Variants in OPN5 observed in about 807,000 individuals in gnomAD.
OPN5 encodes the protein opsin 5, also known as opsin-5.
OPN5 carries 18 observed loss-of-function variants against 41.7 expected under a neutral mutation model. The ratio of observed to expected loss-of-function variants is 0.43; its 90% CI spans 0.30 to 0.64. OPN5 has a LOEUF of 0.64. Ranked by LOEUF, OPN5 falls within the 30% of genes least tolerant of loss-of-function variation. The pLI, the probability that OPN5 is intolerant of heterozygous loss-of-function variation, is 0.13. For synonymous variants in OPN5, 178 were observed against 164.3 expected (o/e 1.08, Z -0.64); for missense variants, 318 against 434.5 (o/e 0.73, Z 2.38).
chr6:47,813,104 C>A (rs1433946482), intron 6 of OPN5, among the ~76,000 whole-genome samples: 1 of 110,474 alleles, frequency 9.1e-6, no homozygotes, highest in African/African-American at 3.0e-5. Context: ...ACAACAACAA[C>A]AACAACAACA....
At chr6:47,816,805 A>G (rs939916360) in intron 6 of OPN5, among the ~76,000 whole-genome samples, 22 of 152,134 alleles carry the variant, frequency 1.4e-4, no homozygotes, top group Non-Finnish European at 2.6e-4. Context: ...TATCACCTGT[A>G]AGATTCTCAG....
chr6:47,821,308 A>C (rs1482918984), intron 6 of OPN5, among the ~76,000 whole-genome samples: 5 of 152,234 alleles, frequency 3.3e-5, no homozygotes, highest in Non-Finnish European at 7.3e-5. Flanking sequence ...GCTATGATAG[A>C]GACTGCACAG....
chr6:47,793,983 T>C (rs1168110127), intron 3 of OPN5, among the ~76,000 whole-genome samples: 1 of 150,096 alleles, frequency 6.7e-6, no homozygotes, highest in Non-Finnish European at 1.5e-5. Context: ...GCCATGTATT[T>C]GAAAAAAATG....
intron 4 of OPN5, among the ~76,000 whole-genome samples, chr6:47,796,500 C>T (rs1460452410): frequency 6.6e-6 from 1 of 152,114 alleles, no homozygotes; most frequent in Non-Finnish European, 1.5e-5. Context: ...TACCATCAAG[C>T]TTTGTATTAA....
chr6:47,786,810 A>G (rs1161500525), intron 2 of OPN5, among the ~76,000 whole-genome samples, 176 bp downstream of exon 2: 2 of 152,234 alleles, frequency 1.3e-5, no homozygotes, highest in Non-Finnish European at 2.9e-5. Flanking sequence ...TGTCCGGCTG[A>G]CAAGATTATT....
chr6:47,784,303 CT>C (rs11439294), intron 1 of OPN5, among the ~76,000 whole-genome samples: 3 of 148,344 alleles, frequency 2.0e-5, no homozygotes, highest in African/African-American at 2.5e-5. Context: ...TGCAAGATTC[CT>C]TTTTTTTTTG....
chr6:47,820,240 CT>C (rs1188472239), intron 6 of OPN5, among the ~76,000 whole-genome samples: 1 of 151,916 alleles, frequency 6.6e-6, no homozygotes, highest in South Asian at 2.1e-4. Flanking sequence ...GTCTGCTCTA[CT>C]TTTTTACTTG....
At chr6:47,813,187 G>T (rs1762313551) in intron 6 of OPN5, among the ~76,000 whole-genome samples, 1 of 152,162 alleles carries the variant, frequency 6.6e-6, no homozygotes, top group Non-Finnish European at 1.5e-5. Flanking sequence ...ATTGTCATTA[G>T]AATAGAGAGG....
chr6:47,823,250 T>A (rs1762688885), intron 6 of OPN5: 1 of 152,200 alleles, frequency 6.6e-6, no homozygotes, highest in South Asian at 2.1e-4. Context: ...GAAGCACTAT[T>A]TAAGCAAAAG....
intron 6 of OPN5, among the ~76,000 whole-genome samples, 155 bp from the exon 7 acceptor site, chr6:47,823,827 GT>G (rs1238693079): frequency 6.6e-6 from 1 of 152,166 alleles, no homozygotes; most frequent in East Asian, 1.9e-4. Context: ...GACTCTGTGG[GT>G]TCGGGGAGAA....
chr6:47,787,861 C>T (rs1308009472), intron 2 of OPN5, among the ~76,000 whole-genome samples: 3 of 152,172 alleles, frequency 2.0e-5, no homozygotes, highest in Non-Finnish European at 4.4e-5. Context: ...ACTACCACTG[C>T]ACTCCAGCCT....
At chr6:47,811,834 A>G (rs1205205436) in intron 6 of OPN5, 103 bp downstream of exon 6, 4 of 666,440 alleles carry the variant, frequency 6.0e-6, no homozygotes, top group South Asian at 2.4e-5. Flanking sequence ...TCTTTATATT[A>G]TATTTTTATA....
chr6:47,785,824 G>A (rs1773175494), intron 1 of OPN5, among the ~76,000 whole-genome samples: 1 of 152,196 alleles, frequency 6.6e-6, no homozygotes, highest in African/African-American at 2.4e-5. Context: ...TCGGTGGGTT[G>A]AGGGTCACTT....
intron 4 of OPN5, among the ~76,000 whole-genome samples, chr6:47,801,506 T>C (rs1355609628): frequency 6.6e-6 from 1 of 152,174 alleles, no homozygotes. Context: ...AGACCCCCTG[T>C]GTGGACTCTA....
chr6:47,793,351 A>G (rs1773445797), intron 3 of OPN5, among the ~76,000 whole-genome samples: 1 of 152,162 alleles, frequency 6.6e-6, no homozygotes, highest in African/African-American at 2.4e-5. Context: ...GGAACTGTGT[A>G]TATTTTCCAG....
intron 3 of OPN5, 73 bp downstream of exon 3, chr6:47,792,045 A>G: frequency 2.0e-6 from 2 of 1,019,312 alleles, no homozygotes; most frequent in African/African-American, 1.6e-5. Flanking sequence ...TACATATTTT[A>G]TGCAGGTAAT....
intron 6 of OPN5, among the ~76,000 whole-genome samples, chr6:47,820,055 T>A (rs1255489790): frequency 6.6e-6 from 1 of 152,192 alleles, no homozygotes; most frequent in African/African-American, 2.4e-5. Flanking sequence ...CAATGCCTGT[T>A]TTTGTAAATA....
intron 5 of OPN5, among the ~76,000 whole-genome samples, chr6:47,810,914 C>T (rs950936305): frequency 9.9e-5 from 15 of 152,132 alleles, no homozygotes; most frequent in African/African-American, 3.1e-4. Flanking sequence ...TGCCTGGGCC[C>T]CAACTATAGA....
chr6:47,793,325 C>G (rs761852775), intron 3 of OPN5, among the ~76,000 whole-genome samples: 3 of 152,130 alleles, frequency 2.0e-5, no homozygotes, highest in Non-Finnish European at 4.4e-5. Context: ...CATTGCAGGT[C>G]ATAACTCCAT....
Sources: allele counts gnomAD v4.1 joint callset (sites outside exome capture counted in the v4.1 genomes callset), GRCh38; gene constraint gnomAD v4.1.1; transcripts MANE v1.5; gene names NCBI Gene and HGNC (gene_info 2026-07-23, HGNC 2026-07-21).